The following HTRA1 variants were observed in gnomAD, a reference collection of about 807,000 sequenced individuals.
HTRA1 encodes the protein serine protease HTRA1.
HTRA1 carries 26 observed loss-of-function variants against 49.7 expected under a neutral mutation model. The ratio of observed to expected loss-of-function variants is 0.52; its 90% CI spans 0.38 to 0.73. HTRA1 has a LOEUF of 0.73. Among genes scored for constraint, HTRA1 ranks in the 30% least tolerant of loss-of-function variants. The pLI, the probability that HTRA1 is intolerant of heterozygous loss-of-function variation, is 0.00. For synonymous variants in HTRA1, 291 were observed against 286.9 expected (o/e 1.01, Z -0.14); for missense variants, 561 against 667.2 (o/e 0.84, Z 1.75).
chr10:122,469,687 C>T (rs11200643), intron 1 of HTRA1, among the ~76,000 whole-genome samples: 48,245 of 151,988 alleles, frequency 0.32, 8,590 homozygotes, highest in East Asian at 0.52. Context: ...GGGCATTATC[C>T]TTGCTTCCTA....
chr10:122,504,841 T>C (rs1565432707), intron 3 of HTRA1, among the ~76,000 whole-genome samples: 1 of 152,180 alleles, frequency 6.6e-6, no homozygotes, highest in African/African-American at 2.4e-5. Flanking sequence ...GAAGTGAGCA[T>C]GGGGCTGAGT....
intron 1 of HTRA1, among the ~76,000 whole-genome samples, chr10:122,474,399 C>T (rs1475750861): frequency 2.0e-5 from 3 of 152,132 alleles, no homozygotes; most frequent in African/African-American, 4.8e-5. Flanking sequence ...TGGCTTCTTC[C>T]TTGATACAGG....
chr10:122,494,844 G>T lies in HTRA1; in HGVS notation c.777+5218G>T, dbSNP rs3106650. Among the ~76,000 whole-genome samples, 125,354 of 152,198 alleles carry T rather than the reference G, an allele frequency of 0.82. 52,118 individuals carry two copies. Among genetic ancestry groups the T allele is most frequent in the Non-Finnish European group, 0.89 (60,284 of 68,010 alleles). The stretch of plus-strand genomic sequence containing the variant: ...AGTTCAGACGGGGGTCACTGCGGGT[G>T]AGGGGCCTGGGGCCTTTTACATGTC... On this transcript the variant is annotated intron_variant, in intron 3 of 8. Coordinates refer to ENST00000368984, the MANE Select transcript of HTRA1 (RefSeq NM_002775.5). This position sits in a 1 kb window ranked among gnomAD's most constrained non-coding sequence, Gnocchi z 4.0.
At position 122,461,668 on chromosome 10, in the gene HTRA1, G is replaced by A. The variant is rs1213312481; in HGVS notation, c.16G>A (p.Ala6Thr). 8 of 1,314,140 alleles carry A rather than the reference G, an allele frequency of 6.1e-6. No individual in the cohort carries two copies. The highest frequency in any genetic ancestry group is 7.9e-6 in the Non-Finnish European group (8 of 1,016,594). The allele number at this position is 1,314,140 out of a possible 1,614,324, so 81.4% of individuals were successfully genotyped here. A position where few individuals can be genotyped will look rare whatever the true frequency, so the allele number is the denominator to read the frequency against. ...CAGAGTCGCCATGCAGATCCCGCGC[G>A]CCGCTCTTCTCCCGCTGCTGCTGCT... is the stretch of plus-strand genomic sequence containing the variant. Reference protein sequence around the residue: MQIPRAALLPLLLLLL... With the variant: MQIPRTALLPLLLLLL... The change falls in exon 1 of 9, where the codon GCC (alanine) becomes ACC (threonine). Residue 6 changes from alanine to threonine, a missense_variant. Physicochemically the swap from Ala to Thr is moderately conservative, Grantham distance 58. Coordinates refer to ENST00000368984, the MANE Select transcript of HTRA1 (RefSeq NM_002775.5).
rs139792724 is a variant in HTRA1 at position 122,477,813 on chromosome 10, G to C, written c.473-11089G>C. Among the ~76,000 whole-genome samples the C allele has an allele frequency of 2.5e-3, 382 of 152,288 alleles. 2 individuals are homozygous for C. The highest frequency in any genetic ancestry group is 8.7e-3 in the African/African-American group (362 of 41,556). ...CTGCCTGGCCCTTCAAGTGAGGATG[G>C]GACATGCTATCCATTGGCCTTAATT... On this transcript the variant is annotated intron_variant, in intron 1 of 8. Transcript: ENST00000368984.
chr10:122,492,501 T>C (rs1332719297), intron 3 of HTRA1, among the ~76,000 whole-genome samples: 2 of 152,068 alleles, frequency 1.3e-5, no homozygotes, highest in South Asian at 2.1e-4. Context: ...GCCTGGCTAC[T>C]TTTTGTATTT....
At position 122,461,669 on chromosome 10, in the gene HTRA1, C is replaced by G; in HGVS notation, c.17C>G (p.Ala6Gly). 7.6e-7 allele frequency: 1 copy of G among 1,314,224 alleles called. No homozygotes were observed. The highest frequency in any genetic ancestry group is 9.8e-7 in the Non-Finnish European group (1 of 1,016,596). 81.4% of individuals were successfully genotyped at this position (1,314,224 alleles called of 1,614,324 possible). The change falls in exon 1 of 9, where the codon GCC becomes GGC. Residue 6 changes from alanine (A) to glycine (G), a missense_variant. Ala to Gly is a moderately conservative substitution (Grantham distance 60). Coordinates refer to ENST00000368984, the MANE Select transcript of HTRA1 (RefSeq NM_002775.5). MQIPR[A>G]ALLPLLLLLL... ...AGAGTCGCCATGCAGATCCCGCGCG[C>G]CGCTCTTCTCCCGCTGCTGCTGCTG...
intron 1 of HTRA1, among the ~76,000 whole-genome samples, chr10:122,481,549 G>A (rs1445122109): frequency 6.6e-6 from 1 of 152,210 alleles, no homozygotes; most frequent in Non-Finnish European, 1.5e-5. Context: ...GATGTTTGCT[G>A]TCTATCCACC....
chr10:122,494,552 G>A lies in HTRA1; in HGVS notation c.777+4926G>A, dbSNP rs780680873. ...TGAAACAGTGAGCTTTCCCGTGGGT[G>A]CTTTTCCCTGACGCCAACAACCAGG... On this transcript the variant is annotated intron_variant, in intron 3 of 8. Coordinates refer to ENST00000368984, the MANE Select transcript of HTRA1 (RefSeq NM_002775.5). This position sits in a 1 kb window ranked among gnomAD's most constrained non-coding sequence, Gnocchi z 4.0. 6.6e-6 allele frequency among the ~76,000 whole-genome samples: 1 copy of A among 152,190 alleles called. No homozygotes were observed. The highest frequency in any genetic ancestry group is 1.5e-5 in the Non-Finnish European group (1 of 68,036).
chr10:122,485,234 G>A (rs1454026155), intron 1 of HTRA1, among the ~76,000 whole-genome samples: 1 of 152,174 alleles, frequency 6.6e-6, no homozygotes, highest in Non-Finnish European at 1.5e-5. Context: ...AGTTATTCCT[G>A]TTCTATTTTC....
chr10:122,462,119 G>C lies in HTRA1; in HGVS notation c.467G>C (p.Gly156Ala), dbSNP rs2097481716. The C allele has an allele frequency of 1.3e-6, 2 of 1,532,904 alleles. No homozygotes were observed. The highest frequency in any genetic ancestry group is 1.7e-6 in the Non-Finnish European group (2 of 1,145,432). The allele number at this position is 1,532,904 out of a possible 1,614,324, so 95.0% of individuals were successfully genotyped here. The change falls in exon 1 of 9, where the codon GGC (glycine) becomes GCC (alanine). Residue 156 changes from glycine to alanine, a missense_variant. This residue lies in a region of HTRA1 where 271 missense variants were observed against 410.0 expected (regional missense o/e 0.66). Transcript: ENST00000368984. ...PVIVLQRGACGQGQEDPNSLR... is the reference protein window; with the variant it reads ...PVIVLQRGACAQGQEDPNSLR... The stretch of plus-strand genomic sequence containing the variant: ...ATCGTCCTGCAGCGCGGAGCCTGCG[G>C]CCAAGGTACTCCGCCGCGCTCCTGG...
At position 122,514,332 on chromosome 10, in the gene HTRA1, A is replaced by C. The variant is rs1402889573; in HGVS notation, c.1416A>C (p.Thr472=). 2 of 1,614,032 alleles carry C rather than the reference A, an allele frequency of 1.2e-6. No individual in the cohort carries two copies. The highest frequency in any genetic ancestry group is 1.7e-6 in the Non-Finnish European group (2 of 1,180,014). ...VRRGNEDIMI[T]VIPEEIDP is the part of the protein sequence containing the mutation. ...GGGGTAATGAAGATATCATGATCAC[A>C]GTGATTCCCGAAGAAATTGACCCAT... is the stretch of plus-strand genomic sequence containing the variant. The change falls in exon 9 of 9, where the codon ACA becomes ACC. Residue 472 remains threonine (T), a synonymous_variant. Coordinates refer to ENST00000368984, the MANE Select transcript of HTRA1 (RefSeq NM_002775.5).
Position 122,512,038 on chromosome 10 carries a change from A to G in HTRA1, c.1247A>G (p.Glu416Gly). ...PDVISGAYII[E>G]VIPDTPAEAG... ...GTGATCTCAGGAGCGTATATAATTGAAGTAATTCCTGATACCCCAGCAGAA... is the reference window on the plus strand; with the variant it reads ...GTGATCTCAGGAGCGTATATAATTGGAGTAATTCCTGATACCCCAGCAGAA... The change falls in exon 8 of 9, where the codon GAA becomes GGA. Residue 416 changes from glutamate to glycine, a missense_variant. By Grantham distance (98) the Glu-to-Gly change is moderately conservative. This residue lies in a region of HTRA1 where 179 missense variants were observed against 173.4 expected (regional missense o/e 1.03). Coordinates refer to ENST00000368984, the MANE Select transcript of HTRA1 (RefSeq NM_002775.5). 1 of 1,613,254 alleles carries G rather than the reference A, an allele frequency of 6.2e-7. No homozygotes were observed. Among genetic ancestry groups the G allele is most frequent in the Non-Finnish European group, 8.5e-7 (1 of 1,179,254 alleles).
At chr10:122,491,579 G>A (rs747152451) in intron 3 of HTRA1, among the ~76,000 whole-genome samples, 1 of 152,246 alleles carries the variant, frequency 6.6e-6, no homozygotes, top group African/African-American at 2.4e-5. Flanking sequence ...GGCACATACC[G>A]TGCGGCTGCT....
intron 1 of HTRA1, among the ~76,000 whole-genome samples, chr10:122,477,638 C>T (rs1307357149): frequency 1.4e-4 from 22 of 152,212 alleles, no homozygotes. Context: ...TGTCTAGCAG[C>T]CCTGCCAGAG....
intron 5 of HTRA1, 62 bp downstream of exon 5, chr10:122,507,464 TTTGTTTGTTTG>T: frequency 8.2e-7 from 1 of 1,223,906 alleles, no homozygotes; most frequent in East Asian, 2.3e-5. Flanking sequence ...CTGTTTTTTG[TTTGTTTGTTTG>T]TTGTTTGTTT....
rs559564090 is a variant in HTRA1 at position 122,462,757 on chromosome 10, C to G, written c.472+633C>G. 1.8e-4 allele frequency among the ~76,000 whole-genome samples: 28 copies of G among 152,348 alleles called. No individual in the cohort carries two copies. In the East Asian group the frequency reaches 5.4e-3, roughly 29 times the overall value. ...CTGTCTTGCTTTCCTCGTTTTGAGC[C>G]AGCCCTACAAAAATGAAAGTGGCTC... On this transcript the variant is annotated intron_variant, in intron 1 of 8. Transcript: ENST00000368984.
At chr10:122,471,151 C>T (rs989260385) in intron 1 of HTRA1, among the ~76,000 whole-genome samples, 1 of 152,176 alleles carries the variant, frequency 6.6e-6, no homozygotes, top group Non-Finnish European at 1.5e-5. Flanking sequence ...AGGAAATGGC[C>T]TGAGCTGAGG....
chr10:122,508,815 T>A, intron 6 of HTRA1, 45 bp downstream of exon 6: 1 of 1,162,936 alleles, frequency 8.6e-7, no homozygotes, highest in Non-Finnish European at 1.3e-6. Flanking sequence ...AGATGGGGCC[T>A]GAAGCTCAGC....
Sources: allele counts gnomAD v4.1 joint callset (sites outside exome capture counted in the v4.1 genomes callset), GRCh38; gene constraint gnomAD v4.1.1; regional missense constraint gnomAD v4.1.1; non-coding constraint Gnocchi (gnomAD v3.1); transcripts MANE v1.5; gene names NCBI Gene and HGNC (gene_info 2026-07-23, HGNC 2026-07-21).